The following VTI1A variants were observed in gnomAD, a reference collection of about 807,000 sequenced individuals.
VTI1A encodes vesicle transport through interaction with t-SNAREs 1A.
VTI1A carries 22 observed loss-of-function variants against 34.9 expected under a neutral mutation model. The observed-to-expected ratio is 0.63, with a 90% CI of 0.45 to 0.90. The LOEUF (loss-of-function observed/expected upper bound fraction) is 0.90, where lower values mean the gene tolerates loss of function less well. Ranked by LOEUF, VTI1A falls within the 40% of genes least tolerant of loss-of-function variation. The pLI is 0.00. For missense variants in VTI1A, 268 were observed against 275.6 expected, an observed-to-expected ratio of 0.97 and a Z score of 0.20; for synonymous variants, 87 against 97.3, an observed-to-expected ratio of 0.89 and a Z score of 0.62.
chr10:112,555,241 A>G (rs1043783663), intron 5 of VTI1A, among the ~76,000 whole-genome samples: 1 of 152,156 alleles, frequency 6.6e-6, no homozygotes, highest in Non-Finnish European at 1.5e-5. Flanking sequence ...TCAAATATAT[A>G]TGCATACACA....
intron 7 of VTI1A, among the ~76,000 whole-genome samples, chr10:112,674,242 A>G (rs568895015): frequency 3.3e-5 from 5 of 152,322 alleles, no homozygotes; most frequent in Admixed American, 2.0e-4. Context: ...CAAAATCTCA[A>G]TGTCTAAACT....
chr10:112,793,143 AC>A (rs1294683661), intron 7 of VTI1A, among the ~76,000 whole-genome samples: 1 of 152,236 alleles, frequency 6.6e-6, no homozygotes, highest in Non-Finnish European at 1.5e-5. Flanking sequence ...CTGCGGACAG[AC>A]CAGGAGTAAG....
At chr10:112,561,851 C>G (rs1851734581) in intron 5 of VTI1A, among the ~76,000 whole-genome samples, 1 of 152,102 alleles carries the variant, frequency 6.6e-6, no homozygotes, top group Non-Finnish European at 1.5e-5. Flanking sequence ...GTTGTATTCT[C>G]TTTCCCTCTC....
chr10:112,787,041 C>A (rs2134048177), intron 7 of VTI1A, among the ~76,000 whole-genome samples: 1 of 152,172 alleles, frequency 6.6e-6, no homozygotes, highest in South Asian at 2.1e-4. Flanking sequence ...CTGGGCTTTT[C>A]TTTGTGGGAA....
At chr10:112,832,192 G>A in the VTI1A span, 1 of 147,906 alleles carries the variant, frequency 6.8e-6, no homozygotes, top group Non-Finnish European at 1.5e-5. Context: ...AGTGGAGGAG[G>A]GGGTGTATTT....
intron 7 of VTI1A, among the ~76,000 whole-genome samples, chr10:112,714,018 G>A (rs1439003397): frequency 6.6e-6 from 1 of 152,004 alleles, no homozygotes; most frequent in Non-Finnish European, 1.5e-5. Context: ...CAACATTTTT[G>A]GTCACCTTTT....
Position 112,803,895 on chromosome 10 carries a change from C to A in VTI1A, c.561-11395C>A, listed in dbSNP as rs1449844291. Among the ~76,000 whole-genome samples the A allele has an allele frequency of 5.3e-5, 8 of 152,234 alleles. No individual in the cohort carries two copies. In the East Asian group the frequency reaches 1.5e-3, roughly 29 times the overall value. The stretch of plus-strand genomic sequence containing the variant: ...TAGAACATCCTTATTTAATTCTCTT[C>A]AAGTTCTTTCCAAGCCCTTTGATTG... On this transcript the variant is annotated intron_variant, in intron 7 of 7. Coordinates refer to ENST00000393077, the MANE Select transcript of VTI1A (RefSeq NM_145206.4).
chr10:112,545,417 T>C (rs1851041054), intron 5 of VTI1A, among the ~76,000 whole-genome samples: 5 of 152,240 alleles, frequency 3.3e-5, no homozygotes, highest in Admixed American at 2.6e-4. Context: ...GATACTTATT[T>C]CCTAGAGTTC....
At chr10:112,640,438 C>G (rs747390182) in intron 5 of VTI1A, among the ~76,000 whole-genome samples, 60 of 152,160 alleles carry the variant, frequency 3.9e-4, no homozygotes, top group Non-Finnish European at 5.7e-4. Context: ...TCCCACTCCT[C>G]CTGCTCCCAC....
intron 7 of VTI1A, among the ~76,000 whole-genome samples, chr10:112,711,918 G>A (rs1262152686): frequency 6.6e-6 from 1 of 152,116 alleles, no homozygotes; most frequent in South Asian, 2.1e-4. Context: ...ATCTTAATCT[G>A]TTCTCTGTCC....
chr10:112,560,763 A>AT (rs1482916791), intron 5 of VTI1A, among the ~76,000 whole-genome samples: 4 of 151,616 alleles, frequency 2.6e-5, no homozygotes, highest in African/African-American at 9.7e-5. Flanking sequence ...CGCCCAGCTA[A>AT]TTTTTGTATT....
At chr10:112,779,366 G>A (rs921600447) in intron 7 of VTI1A, among the ~76,000 whole-genome samples, 2 of 152,180 alleles carry the variant, frequency 1.3e-5, no homozygotes, top group African/African-American at 4.8e-5. Flanking sequence ...CTTTTTAAGA[G>A]GAGACTAGAT....
intron 3 of VTI1A, among the ~76,000 whole-genome samples, chr10:112,500,271 C>CT (rs1306172905): frequency 6.6e-6 from 1 of 151,906 alleles, no homozygotes; most frequent in East Asian, 1.9e-4. Context: ...CCCGTCTCTA[C>CT]TACAAATACA....
the VTI1A span, among the ~76,000 whole-genome samples, chr10:112,834,620 C>G: frequency 2.6e-5 from 4 of 152,336 alleles, no homozygotes; most frequent in East Asian, 5.8e-4. Context: ...CCATTCTCCT[C>G]CATCGCTCCC....
In VTI1A at chr10:112,469,948, C is replaced by T. The variant is rs1174016210; in HGVS notation, c.264+5291C>T. 1.3e-5 allele frequency among the ~76,000 whole-genome samples: 2 copies of T among 152,224 alleles called. 1 individual carries two copies. The highest frequency in any genetic ancestry group is 4.8e-5 in the African/African-American group (2 of 41,466). On this transcript the variant is annotated intron_variant, in intron 3 of 7. Transcript: ENST00000393077. The stretch of plus-strand genomic sequence containing the variant: ...TAAGTTCAGTGACTTGCTGCACTCC[C>T]TGTGGGCTCCCCCTCCGTGTGCTGC...
intron 3 of VTI1A, among the ~76,000 whole-genome samples, chr10:112,465,849 A>G (rs970391811): frequency 2.0e-5 from 3 of 152,210 alleles, no homozygotes; most frequent in African/African-American, 7.2e-5. Context: ...AATGGTTAAA[A>G]TGGTAAATTT....
chr10:112,698,418 C>T (rs1244328276), intron 7 of VTI1A, among the ~76,000 whole-genome samples: 2 of 152,116 alleles, frequency 1.3e-5, no homozygotes, highest in African/African-American at 4.8e-5. Flanking sequence ...CAGAAGAGCA[C>T]TATGTCTTTT....
chr10:112,504,277 A>G (rs149947864), intron 3 of VTI1A, among the ~76,000 whole-genome samples: 1 of 152,002 alleles, frequency 6.6e-6, no homozygotes, highest in Non-Finnish European at 1.5e-5. Context: ...CAAATCTCCA[A>G]CCCAGGTAAC....
intron 7 of VTI1A, among the ~76,000 whole-genome samples, chr10:112,673,468 GCACACACA>G (rs150053497): frequency 9.2e-5 from 14 of 151,562 alleles, no homozygotes; most frequent in Non-Finnish European, 1.6e-4. Flanking sequence ...GCGTGCGCGC[GCACACACA>G]CACACACGCA....
Sources: allele counts gnomAD v4.1 joint callset (sites outside exome capture counted in the v4.1 genomes callset), GRCh38; gene constraint gnomAD v4.1.1; transcripts MANE v1.5; gene names NCBI Gene and HGNC (gene_info 2026-07-23, HGNC 2026-07-21).